Variants in WASF2 observed in about 807,000 individuals in gnomAD.
WASF2 encodes actin-binding protein WASF2.
WASF2 carries 14 observed loss-of-function variants against 45.0 expected under a neutral mutation model. That is an observed-to-expected ratio of 0.31 (90% CI 0.21 to 0.49). WASF2 has a LOEUF of 0.49. Among genes scored for constraint, WASF2 ranks in the 20% least tolerant of loss-of-function variants. The pLI, the probability that WASF2 is intolerant of heterozygous loss-of-function variation, is 0.99. For missense variants in WASF2, 439 were observed against 636.1 expected, an observed-to-expected ratio of 0.69 and a Z score of 3.33; for synonymous variants, 200 against 236.3, an observed-to-expected ratio of 0.85 and a Z score of 1.41.
intron 1 of WASF2, among the ~76,000 whole-genome samples, chr1:27,487,891 T>C (rs973448060): frequency 1.3e-5 from 2 of 149,832 alleles, no homozygotes; most frequent in African/African-American, 4.9e-5. Flanking sequence ...ATGCTCTGAT[T>C]TTTAAACAAC....
chr1:27,485,883 T>C (rs968554198), intron 1 of WASF2, among the ~76,000 whole-genome samples: 2 of 152,166 alleles, frequency 1.3e-5, no homozygotes, highest in African/African-American at 4.8e-5. Context: ...GGCTAATTTT[T>C]GTATTTTTAG....
At position 27,408,110 on chromosome 1, in the gene WASF2, C is replaced by G; in HGVS notation, c.*79G>C. 1.3e-6 allele frequency: 2 copies of G among 1,542,330 alleles called. No individual in the cohort carries two copies. The highest frequency in any genetic ancestry group is 1.8e-6 in the Non-Finnish European group (2 of 1,135,830). On this transcript the variant is annotated 3_prime_UTR_variant, in exon 9 of 9. Transcript: ENST00000618852. ...TACTTTTTTCCTCCCTTTTCTCCCC[C>G]TACGGGTCTGTTGGGGTTGGCATCA... is the stretch of plus-strand genomic sequence containing the variant.
Position 27,419,028 on chromosome 1 carries a change from C to A in WASF2, c.191G>T (p.Arg64Leu). Reference protein sequence around the residue: ...LFTQANTFASRVSSLAERVDR... With the variant: ...LFTQANTFASLVSSLAERVDR... Reference sequence around the variant, plus strand: ...GACCCTCTCAGCAAGGGAGCTTACCCGAGAGGCAAAGGTATTTGCCTGAGT... The same window carrying A: ...GACCCTCTCAGCAAGGGAGCTTACCAGAGAGGCAAAGGTATTTGCCTGAGT... The change falls in exon 3 of 9, where the codon CGG becomes CTG. Residue 64 changes from arginine (R) to leucine (L), a missense_variant. Arg to Leu is a moderately radical substitution (Grantham distance 102). Around this residue, in one of 5 missense-constraint regions of WASF2, gnomAD observed 98 missense variants for 120.7 expected, o/e 0.81. Transcript: ENST00000618852. 3 of 1,614,022 alleles carry A rather than the reference C, an allele frequency of 1.9e-6. No homozygotes were observed. The highest frequency in any genetic ancestry group is 2.5e-6 in the Non-Finnish European group (3 of 1,179,988).
chr1:27,438,659 A>G (rs1325757088), intron 1 of WASF2, among the ~76,000 whole-genome samples: 1 of 152,244 alleles, frequency 6.6e-6, no homozygotes, highest in Admixed American at 6.5e-5. Context: ...CTGTGTGGTC[A>G]TGGAGCAGGT....
intron 2 of WASF2, among the ~76,000 whole-genome samples, chr1:27,419,858 C>G (rs1409933345): frequency 6.6e-6 from 1 of 152,048 alleles, no homozygotes; most frequent in African/African-American, 2.4e-5. Flanking sequence ...AGATATACAA[C>G]TTCTTTTAAG....
chr1:27,413,236 T>C (rs968485353), intron 6 of WASF2, among the ~76,000 whole-genome samples: 3 of 152,172 alleles, frequency 2.0e-5, no homozygotes, highest in African/African-American at 7.2e-5. Flanking sequence ...GGGTGCTATG[T>C]GGTAGTAAAT....
chr1:27,442,990 CAAA>C (rs782114128), intron 1 of WASF2, among the ~76,000 whole-genome samples: 12 of 64,186 alleles, frequency 1.9e-4, no homozygotes, highest in African/African-American at 3.4e-4. Flanking sequence ...GACTCTGTCT[CAAA>C]AAAAAAAAAA....
chr1:27,441,046 T>G (rs2017219228), intron 1 of WASF2, among the ~76,000 whole-genome samples: 1 of 151,788 alleles, frequency 6.6e-6, no homozygotes, highest in African/African-American at 2.4e-5. Context: ...TTTTGTATTT[T>G]TGGTAGAGAT....
intron 5 of WASF2, among the ~76,000 whole-genome samples, chr1:27,415,283 C>G (rs773273263): frequency 1.3e-5 from 2 of 152,208 alleles, no homozygotes; most frequent in Non-Finnish European, 2.9e-5. Flanking sequence ...ATTATTTGCT[C>G]AGCCCCAAAG....
rs1221520441 is a variant in WASF2 at position 27,412,454 on chromosome 1, C to CA, written c.824+117dup. 149 of 1,385,876 alleles carry CA rather than the reference C, an allele frequency of 1.1e-4. 5 individuals carry two copies. In the South Asian group the frequency reaches 1.5e-3, roughly 14 times the overall value. 85.8% of individuals were successfully genotyped at this position (1,385,876 alleles called of 1,614,324 possible). On this transcript the variant is annotated intron_variant, in intron 7 of 8. Transcript: ENST00000618852. Reference sequence around the variant, plus strand: ...AACTTTTGGCCTCACGAGATCCTCCCACCACCTTGGCCTCCCAAAGAGCTG... The same window carrying CA: ...AACTTTTGGCCTCACGAGATCCTCCCAACCACCTTGGCCTCCCAAAGAGCTG...
chr1:27,419,159 A>G, intron 2 of WASF2, 71 bp from the exon 3 acceptor site: 2 of 1,573,826 alleles, frequency 1.3e-6, no homozygotes, highest in Non-Finnish European at 1.7e-6. Context: ...ACTGGCTACT[A>G]AAGATCGTGT....
At chr1:27,420,579 GCA>G (rs1203546298) in intron 2 of WASF2, among the ~76,000 whole-genome samples, 17 of 143,670 alleles carry the variant, frequency 1.2e-4, no homozygotes, top group South Asian at 2.2e-4. Context: ...GAGTGCAGTG[GCA>G]CGCAATCTCA....
At chr1:27,458,847 C>T (rs926987653) in intron 1 of WASF2, among the ~76,000 whole-genome samples, 4 of 151,256 alleles carry the variant, frequency 2.6e-5, no homozygotes, top group African/African-American at 7.3e-5. Flanking sequence ...AATTGGCAGC[C>T]GAGCGCAGAG....
In WASF2 at chr1:27,485,798, G is replaced by A. The variant is rs374848814; in HGVS notation, c.-44+4188C>T. 3.3e-5 allele frequency among the ~76,000 whole-genome samples: 5 copies of A among 152,248 alleles called. No individual in the cohort carries two copies. The South Asian group carries it at 8.3e-4, about 25-fold the overall frequency. ...GTGATCTCAGCTCACTGCAACCTCC[G>A]CCTCCCGGATTCAAGCGATTCTCCT... On this transcript the variant is annotated intron_variant, in intron 1 of 8. Transcript: ENST00000618852.
chr1:27,473,113 G>A (rs2148139058), intron 1 of WASF2, among the ~76,000 whole-genome samples: 1 of 151,686 alleles, frequency 6.6e-6, no homozygotes, highest in Admixed American at 6.6e-5. Context: ...CCGGAATAAA[G>A]AACTATTAAA....
intron 1 of WASF2, among the ~76,000 whole-genome samples, chr1:27,464,012 C>T (rs1310794970): frequency 6.6e-6 from 1 of 151,534 alleles, no homozygotes; most frequent in Non-Finnish European, 1.5e-5. Flanking sequence ...CTCAGGTGAT[C>T]CGCCCACCTC....
intron 1 of WASF2, among the ~76,000 whole-genome samples, chr1:27,488,964 T>A (rs759561038): frequency 1.3e-5 from 2 of 152,104 alleles, no homozygotes; most frequent in African/African-American, 4.8e-5. Flanking sequence ...TAAGCAAGGG[T>A]TGACACCTAG....
At chr1:27,411,893 G>A (rs1297862027) in intron 7 of WASF2, among the ~76,000 whole-genome samples, 3 of 152,108 alleles carry the variant, frequency 2.0e-5, no homozygotes, top group Non-Finnish European at 4.4e-5. Context: ...ATAAAATAAA[G>A]TTAAGGAAAA....
chr1:27,474,236 C>A (rs1264178238), intron 1 of WASF2, among the ~76,000 whole-genome samples: 3 of 152,150 alleles, frequency 2.0e-5, no homozygotes, highest in Non-Finnish European at 4.4e-5. Flanking sequence ...ATTCTCTTTA[C>A]TTACATGTAT....
Sources: allele counts gnomAD v4.1 joint callset (sites outside exome capture counted in the v4.1 genomes callset), GRCh38; gene constraint gnomAD v4.1.1; regional missense constraint gnomAD v4.1.1; transcripts MANE v1.5; gene names NCBI Gene and HGNC (gene_info 2026-07-23, HGNC 2026-07-21).